The following LUZP2 variants were observed in gnomAD, a reference collection of about 807,000 sequenced individuals.
LUZP2 encodes the protein leucine zipper protein 2.
Under a neutral mutation model 51.6 loss-of-function variants are expected in LUZP2, and 52 were observed. That is an observed-to-expected ratio of 1.01 (90% CI 0.81 to 1.27). LUZP2 has a LOEUF of 1.27. LUZP2 is among the 50% of genes most tolerant of loss of function. LUZP2 has a pLI of 0.00. For synonymous variants in LUZP2, 154 were observed against 137.3 expected (o/e 1.12, Z -0.85); for missense variants, 436 against 395.4 (o/e 1.10, Z -0.87).
intron 5 of LUZP2, among the ~76,000 whole-genome samples, chr11:24,770,049 C>A (rs1860351154): frequency 6.6e-6 from 1 of 152,206 alleles, no homozygotes; most frequent in Non-Finnish European, 1.5e-5. Flanking sequence ...CCACCTCAGG[C>A]TCCCAAAGTG....
At chr11:24,785,536 T>C (rs1849220741) in intron 5 of LUZP2, among the ~76,000 whole-genome samples, 2 of 151,934 alleles carry the variant, frequency 1.3e-5, no homozygotes, top group African/African-American at 4.8e-5. Flanking sequence ...CATATTTATA[T>C]TGTCATTATG....
In LUZP2 at chr11:24,536,950, T is replaced by C. The variant is rs75904604; in HGVS notation, c.62+39645T>C. On this transcript the variant is annotated intron_variant, in intron 1 of 11. Transcript: ENST00000336930. ...GTTACTAATTAGTCTAATTCCAATA[T>C]GACTGCTTCTGAGGAAGAGGAAGGC... Among the ~76,000 whole-genome samples, 862 of 151,926 alleles carry C rather than the reference T, an allele frequency of 5.7e-3. 10 individuals carry two copies. The highest frequency in any genetic ancestry group is 0.02 in the African/African-American group (821 of 41,518).
At chr11:24,944,351 G>C (rs1854843065) in intron 7 of LUZP2, among the ~76,000 whole-genome samples, 2 of 152,102 alleles carry the variant, frequency 1.3e-5, no homozygotes, top group South Asian at 4.1e-4. Flanking sequence ...TCTGACTCTA[G>C]GACCCTGTGC....
intron 1 of LUZP2, among the ~76,000 whole-genome samples, chr11:24,591,975 C>A (rs1024609716): frequency 6.6e-6 from 1 of 152,148 alleles, no homozygotes; most frequent in Admixed American, 6.6e-5. Flanking sequence ...CGAAGGATGA[C>A]TTTCCTGTAA....
At chr11:24,982,307 G>A (rs1856057378) in intron 8 of LUZP2, among the ~76,000 whole-genome samples, 1 of 151,796 alleles carries the variant, frequency 6.6e-6, no homozygotes, top group Non-Finnish European at 1.5e-5. Context: ...ACACATGCAT[G>A]TGAGTGATCA....
intron 1 of LUZP2, among the ~76,000 whole-genome samples, chr11:24,706,820 A>AT (rs1286863169): frequency 3.7e-5 from 4 of 108,908 alleles, no homozygotes; most frequent in Non-Finnish European, 6.0e-5. Flanking sequence ...AGATCTCTTT[A>AT]TTTTTTATTC....
chr11:25,080,094 TG>T lies in LUZP2; in HGVS notation c.*1437del, dbSNP rs1170380580. ...CACTTCTATTTTCAGAATAGTTCAG[TG>T]TCATTCATTAGCACAGGCAGGTCCC... is the stretch of plus-strand genomic sequence containing the variant. On this transcript the variant is annotated 3_prime_UTR_variant, in exon 12 of 12. Transcript: ENST00000336930. The T allele has an allele frequency of 6.6e-6, 1 of 152,194 alleles. No homozygotes were observed. The highest frequency in any genetic ancestry group is 1.9e-4 in the East Asian group (1 of 5,192). The allele number at this position is 152,194 out of a possible 1,614,324, so 9.4% of individuals were successfully genotyped here. A position where few individuals can be genotyped will look rare whatever the true frequency, so the allele number is the denominator to read the frequency against.
intron 1 of LUZP2, among the ~76,000 whole-genome samples, chr11:24,726,309 T>C (rs960230127): frequency 6.6e-6 from 1 of 151,946 alleles, no homozygotes; most frequent in African/African-American, 2.4e-5. Context: ...GATAAGACAG[T>C]CTGGTTTAGG....
intron 10 of LUZP2, among the ~76,000 whole-genome samples, chr11:25,054,998 CT>C (rs952369116): frequency 1.5e-5 from 2 of 129,328 alleles, no homozygotes. Context: ...TTTCTTAAAT[CT>C]TTTTTTCTTT....
intron 5 of LUZP2, among the ~76,000 whole-genome samples, chr11:24,880,891 G>T (rs1731403223): frequency 6.6e-6 from 1 of 151,988 alleles, no homozygotes; most frequent in African/African-American, 2.4e-5. Flanking sequence ...TGGCACTATT[G>T]CAGGCAGTAA....
chr11:24,706,699 AT>A (rs952929595), intron 1 of LUZP2, among the ~76,000 whole-genome samples: 2 of 152,162 alleles, frequency 1.3e-5, no homozygotes, highest in African/African-American at 4.8e-5. Flanking sequence ...AGCCAGCCTT[AT>A]TTTTGAACGT....
At chr11:24,904,439 C>T (rs10767275) in intron 5 of LUZP2, among the ~76,000 whole-genome samples, 84,847 of 151,598 alleles carry the variant, frequency 0.56, 24,099 homozygotes, top group East Asian at 0.78. Flanking sequence ...CCCACCACCA[C>T]GCCCGGCTAA....
At chr11:24,752,590 CA>C (rs538845901) in intron 4 of LUZP2, among the ~76,000 whole-genome samples, 5 of 152,152 alleles carry the variant, frequency 3.3e-5, no homozygotes, top group Admixed American at 3.3e-4. Flanking sequence ...GGCAGTGCAA[CA>C]AGGGGACATA....
intron 1 of LUZP2, among the ~76,000 whole-genome samples, chr11:24,701,740 A>G (rs529364261): frequency 7.1e-4 from 108 of 152,232 alleles, no homozygotes; most frequent in African/African-American, 2.5e-3. Flanking sequence ...TTAAGAGGTG[A>G]CATTATTTGT....
At chr11:24,663,724 A>AC (rs543946209) in intron 1 of LUZP2, among the ~76,000 whole-genome samples, 5 of 151,970 alleles carry the variant, frequency 3.3e-5, no homozygotes, top group Non-Finnish European at 5.9e-5. Context: ...CCTGGGAGGG[A>AC]CCCAGTGGGA....
rs528148593 is a variant in LUZP2, at chr11:25,051,810, T to C, written c.858+1680T>C. On this transcript the variant is annotated intron_variant, in intron 10 of 11. Coordinates refer to ENST00000336930, the MANE Select transcript of LUZP2 (RefSeq NM_001009909.4). ...GAAACTACATAAAAACATGTTCTCA[T>C]TGGAGGCAAAATAGAAAATTTATGT... is the stretch of plus-strand genomic sequence containing the variant. 7.2e-5 allele frequency among the ~76,000 whole-genome samples: 11 copies of C among 152,356 alleles called. No individual in the cohort carries two copies. In the South Asian group the frequency reaches 8.3e-4, roughly 11 times the overall value.
chr11:24,794,937 C>T (rs1350274570), intron 5 of LUZP2, among the ~76,000 whole-genome samples: 1 of 151,912 alleles, frequency 6.6e-6, no homozygotes, highest in Non-Finnish European at 1.5e-5. Context: ...GATCATTTGG[C>T]CATGAATAAC....
At chr11:24,897,437 C>T (rs954688859) in intron 5 of LUZP2, among the ~76,000 whole-genome samples, 6 of 152,190 alleles carry the variant, frequency 3.9e-5, no homozygotes, top group East Asian at 1.9e-4. Flanking sequence ...CACAGCTTAA[C>T]TTCTGAGGCC....
chr11:25,043,900 A>G (rs1274322218), intron 9 of LUZP2, among the ~76,000 whole-genome samples: 1 of 142,628 alleles, frequency 7.0e-6, no homozygotes, highest in African/African-American at 2.6e-5. Flanking sequence ...GACTATATAT[A>G]TATGTACTCT....
Sources: gnomAD v4.1 joint callset for allele counts (sites outside exome capture counted in the v4.1 genomes callset) on GRCh38, gnomAD v4.1.1 for gene constraint, MANE v1.5 for transcripts, NCBI Gene and HGNC (gene_info 2026-07-23, HGNC 2026-07-21) for gene names.